Variants in FAM81A observed in about 807,000 individuals in gnomAD.
The protein encoded by FAM81A is protein FAM81A.
Under a neutral mutation model 46.7 loss-of-function variants are expected in FAM81A, and 19 were observed. That is an observed-to-expected ratio of 0.41 (90% CI 0.28 to 0.60). FAM81A has a LOEUF of 0.60. Among genes scored for constraint, FAM81A ranks in the 20% least tolerant of loss-of-function variants. FAM81A has a pLI of 0.34. For synonymous variants in FAM81A, 183 were observed against 152.9 expected (o/e 1.20, Z -1.45); for missense variants, 377 against 453.5 (o/e 0.83, Z 1.53).
In FAM81A at chr15:59,507,180, A is replaced by G. The variant is rs202234441; in HGVS notation, c.414-33A>G. Reference sequence around the variant, plus strand: ...CTTTTGCGCATTGTTTTTAAACTTTAATAAGAATCAGCTTTGTTCTTTGTC... The same window carrying G: ...CTTTTGCGCATTGTTTTTAAACTTTGATAAGAATCAGCTTTGTTCTTTGTC... On this transcript the variant is annotated intron_variant, in intron 4 of 8. Coordinates refer to ENST00000288228, the MANE Select transcript of FAM81A (RefSeq NM_152450.3). 1,885 of 1,591,096 alleles carry G rather than the reference A, an allele frequency of 1.2e-3. 1 individual carries two copies. Among genetic ancestry groups the G allele is most frequent in the Non-Finnish European group, 1.4e-3 (1,693 of 1,168,324 alleles).
In FAM81A at chr15:59,460,582, C is replaced by G. The variant is rs2081540211; in HGVS notation, c.294+376C>G. 2 of 352,812 alleles carry G rather than the reference C, an allele frequency of 5.7e-6. No homozygotes were observed. Among genetic ancestry groups the G allele is most frequent in the Non-Finnish European group, 1.1e-5 (2 of 182,916 alleles). 21.9% of individuals were successfully genotyped at this position (352,812 alleles called of 1,614,324 possible). On this transcript the variant is annotated intron_variant, in intron 3 of 8. Coordinates refer to ENST00000288228, the MANE Select transcript of FAM81A (RefSeq NM_152450.3). This position sits in a 1 kb window ranked among gnomAD's most constrained non-coding sequence, Gnocchi z 4.4. ...TTACTAAGGTCAGACTCTGTTGCTTCAGATTAAATGTTTCTAGGTCATAAT... is the reference window on the plus strand; with the variant it reads ...TTACTAAGGTCAGACTCTGTTGCTTGAGATTAAATGTTTCTAGGTCATAAT...
intron 2 of FAM81A, among the ~76,000 whole-genome samples, chr15:59,417,205 C>T (rs541107260): frequency 6.6e-6 from 1 of 152,098 alleles, no homozygotes; most frequent in East Asian, 1.9e-4. Flanking sequence ...TGCTGAATAC[C>T]CAGGCTGTGC....
In FAM81A at chr15:59,507,286, G is replaced by A; in HGVS notation, c.487G>A (p.Glu163Lys). The A allele has an allele frequency of 6.2e-7, 1 of 1,612,270 alleles. No individual in the cohort carries two copies. The highest frequency in any genetic ancestry group is 8.5e-7 in the Non-Finnish European group (1 of 1,179,210). The change falls in exon 5 of 9, where the codon GAA becomes AAA. Residue 163 changes from glutamate to lysine, a missense_variant. Coordinates refer to ENST00000288228, the MANE Select transcript of FAM81A (RefSeq NM_152450.3). ...TGAGGGGCTCCAGCACTTGAACAAAGAACAGCAGGCTGCCAAACTTATCTT... is the reference window on the plus strand; with the variant it reads ...TGAGGGGCTCCAGCACTTGAACAAAAAACAGCAGGCTGCCAAACTTATCTT... ...TYEGLQHLNK[E>K]QQAAKLILET... is the part of the protein sequence containing the mutation.
At chr15:59,449,841 C>T (rs2081397463) in intron 1 of FAM81A, among the ~76,000 whole-genome samples, 1 of 148,112 alleles carries the variant, frequency 6.8e-6, no homozygotes, top group South Asian at 2.2e-4. Context: ...TATCCTTCTT[C>T]AGCTTACTTT....
intron 4 of FAM81A, among the ~76,000 whole-genome samples, chr15:59,503,843 G>A (rs2082121756): frequency 1.3e-5 from 2 of 152,174 alleles, no homozygotes; most frequent in Admixed American, 1.3e-4. Context: ...AAAGTGCTGG[G>A]ATTACAGGTG....
intron 6 of FAM81A, among the ~76,000 whole-genome samples, chr15:59,513,450 T>G (rs531048916): frequency 1.3e-5 from 2 of 152,302 alleles, no homozygotes; most frequent in African/African-American, 4.8e-5. Flanking sequence ...CCCAGCTCTG[T>G]GTCGCTGTGT....
At chr15:59,513,422 G>T (rs1330808099) in intron 6 of FAM81A, among the ~76,000 whole-genome samples, 1 of 152,180 alleles carries the variant, frequency 6.6e-6, no homozygotes, top group East Asian at 1.9e-4. Flanking sequence ...CCTCGGAACT[G>T]CCGGGGTCTG....
intron 6 of FAM81A, 75 bp from the exon 7 acceptor site, chr15:59,514,214 T>G: frequency 5.7e-6 from 8 of 1,394,464 alleles, no homozygotes; most frequent in Non-Finnish European, 7.6e-6. Flanking sequence ...ATCCTCAACA[T>G]GTACCCTGGA....
intron 6 of FAM81A, among the ~76,000 whole-genome samples, chr15:59,510,837 T>C (rs1479284490): frequency 1.1e-5 from 1 of 91,870 alleles, no homozygotes; most frequent in Non-Finnish European, 2.2e-5. Context: ...AAAACTACAC[T>C]AATGGAATTT....
Position 59,514,335 on chromosome 15 carries a change from C to A in FAM81A, c.697C>A (p.Arg233=). The A allele has an allele frequency of 6.2e-7, 1 of 1,613,168 alleles. No homozygotes were observed. The highest frequency in any genetic ancestry group is 8.5e-7 in the Non-Finnish European group (1 of 1,179,612). ...EELSNQILSA[R]SWLQQEQERI... is the part of the protein sequence containing the mutation. The stretch of plus-strand genomic sequence containing the variant: ...ACTCAGTAACCAGATATTATCTGCA[C>A]GGAGTTGGTTGCAACAGGAACAAGA... Residue 233 remains arginine (R), a synonymous_variant, in exon 7 of 9, where the codon CGG becomes AGG. Transcript: ENST00000288228.
At chr15:59,441,347 CT>C (rs1358682240) in intron 1 of FAM81A, among the ~76,000 whole-genome samples, 1 of 152,254 alleles carries the variant, frequency 6.6e-6, no homozygotes, top group Non-Finnish European at 1.5e-5. Context: ...TATATCTGCA[CT>C]GTTCCGTATG....
intron 2 of FAM81A, among the ~76,000 whole-genome samples, chr15:59,416,310 C>T (rs1465181894): frequency 9.9e-5 from 15 of 152,216 alleles, no homozygotes. Flanking sequence ...AAACCATGCA[C>T]GATAAGCTTC....
chr15:59,423,520 C>G (rs905220389), intron 2 of FAM81A, among the ~76,000 whole-genome samples: 4 of 152,226 alleles, frequency 2.6e-5, no homozygotes, highest in Non-Finnish European at 5.9e-5. Context: ...CCAAGTCAAT[C>G]TGACTCCAAG....
rs1188111677 is a variant in FAM81A, at chr15:59,438,210, G to A, written c.-150G>A. The A allele has an allele frequency of 9.5e-5, 14 of 147,272 alleles. No homozygotes were observed. The highest frequency in any genetic ancestry group is 6.7e-4 in the Admixed American group (10 of 14,820). 9.1% of individuals were successfully genotyped at this position (147,272 alleles called of 1,614,324 possible). ...CGCAGCCGGGCGCCCTGCTCAGCCA[G>A]CGCCAGCGGCCGCCGCACCCAGCCG... On this transcript the variant is annotated 5_prime_UTR_variant, in exon 1 of 9. Coordinates refer to ENST00000288228, the MANE Select transcript of FAM81A (RefSeq NM_152450.3).
rs552760529 is a variant in FAM81A, at chr15:59,419,654, G to C, written c.-78+17296G>C. 2.0e-5 allele frequency among the ~76,000 whole-genome samples: 3 copies of C among 152,224 alleles called. No homozygotes were observed. In the East Asian group the frequency reaches 5.8e-4, roughly 29 times the overall value. ...TTTGGGAGGCCGAGGCGGGCAGATT[G>C]CTTGAAGTCAGGAGTTCGAGACCAG... On this transcript the variant is annotated intron_variant, in intron 2 of 4. Transcript: ENST00000558348.
intron 2 of FAM81A, among the ~76,000 whole-genome samples, chr15:59,406,796 T>G (rs2140467699): frequency 6.6e-6 from 1 of 152,282 alleles, no homozygotes; most frequent in South Asian, 2.1e-4. Context: ...TTCAGCTCAG[T>G]TCTCAACATT....
intron 2 of FAM81A, among the ~76,000 whole-genome samples, chr15:59,428,976 C>A (rs2141561948): frequency 6.6e-6 from 1 of 152,296 alleles, no homozygotes; most frequent in South Asian, 2.1e-4. Context: ...GAAAATATTT[C>A]TCAGTGGATT....
At chr15:59,452,046 T>C (rs2081425146) in intron 1 of FAM81A, among the ~76,000 whole-genome samples, 3 of 152,186 alleles carry the variant, frequency 2.0e-5, no homozygotes, top group Non-Finnish European at 4.4e-5. Flanking sequence ...TGATGAGTGT[T>C]TGCCGAATTT....
intron 1 of FAM81A, among the ~76,000 whole-genome samples, chr15:59,447,706 A>G (rs1473755587): frequency 3.3e-5 from 5 of 152,188 alleles, no homozygotes; most frequent in East Asian, 1.9e-4. Context: ...ACCAAAGCAC[A>G]TGATTTAGCC....
Sources: allele counts gnomAD v4.1 joint callset (sites outside exome capture counted in the v4.1 genomes callset), GRCh38; gene constraint gnomAD v4.1.1; non-coding constraint Gnocchi (gnomAD v3.1); transcripts MANE v1.5; gene names NCBI Gene and HGNC (gene_info 2026-07-23, HGNC 2026-07-21).